Variants in NFX1 observed in about 807,000 individuals in gnomAD.
NFX1 encodes the protein nuclear transcription factor, X-box binding 1.
A neutral mutation model predicts 137.2 loss-of-function variants in NFX1; 69 were observed. The observed-to-expected ratio is 0.50, with a 90% CI of 0.41 to 0.61. NFX1 has a LOEUF of 0.61. Ranked by LOEUF, NFX1 falls within the 20% of genes least tolerant of loss-of-function variation. The probability of loss-of-function intolerance (pLI) is 0.00; values close to 1 mark genes in which losing one functional copy is unlikely to be tolerated. For missense variants in NFX1, 1,167 were observed against 1,391.0 expected (o/e 0.84, Z 2.56); for synonymous variants, 495 against 474.1 (o/e 1.04, Z -0.57).
intron 9 of NFX1, among the ~76,000 whole-genome samples, chr9:33,323,235 A>C (rs1461519296): frequency 6.6e-6 from 1 of 152,214 alleles, no homozygotes; most frequent in Admixed American, 6.6e-5. Flanking sequence ...TCACTGAAAT[A>C]GTCTAGCCAA....
chr9:33,354,975 A>G, intron 19 of NFX1, 83 bp downstream of exon 19: 4 of 1,336,050 alleles, frequency 3.0e-6, no homozygotes, highest in Non-Finnish European at 3.2e-6. Context: ...TTCAAACGTC[A>G]TTCACTCAGC....
chr9:33,366,373 G>T (rs1048701728), intron 21 of NFX1, among the ~76,000 whole-genome samples: 2 of 152,114 alleles, frequency 1.3e-5, no homozygotes, highest in African/African-American at 2.4e-5. Context: ...TACCTAAGTC[G>T]CAGTTCACTT....
intron 9 of NFX1, among the ~76,000 whole-genome samples, chr9:33,326,363 A>G (rs1184444187): frequency 6.6e-6 from 1 of 151,196 alleles, no homozygotes; most frequent in Non-Finnish European, 1.5e-5. Context: ...CAGTGAGCCA[A>G]GATCATGCCA....
chr9:33,359,932 CT>C (rs989088277), intron 19 of NFX1, among the ~76,000 whole-genome samples: 4 of 152,178 alleles, frequency 2.6e-5, no homozygotes, highest in African/African-American at 9.7e-5. Flanking sequence ...TGAAGTTTGA[CT>C]TTCAGCAATT....
chr9:33,349,212 G>A (rs774024515), intron 15 of NFX1, among the ~76,000 whole-genome samples: 1 of 152,186 alleles, frequency 6.6e-6, no homozygotes, highest in Non-Finnish European at 1.5e-5. Context: ...GGAAGTGAAC[G>A]AGACTAACCC....
At chr9:33,292,466 T>C (rs1282862201) in intron 1 of NFX1, among the ~76,000 whole-genome samples, 2 of 152,232 alleles carry the variant, frequency 1.3e-5, no homozygotes, top group Non-Finnish European at 2.9e-5. Flanking sequence ...GGACACCTAC[T>C]GTGCTGCTGT....
chr9:33,324,338 C>T (rs1822499659), intron 9 of NFX1, among the ~76,000 whole-genome samples: 1 of 152,104 alleles, frequency 6.6e-6, no homozygotes, highest in Non-Finnish European at 1.5e-5. Flanking sequence ...GAGATCGCAC[C>T]ACTGTACTCC....
At chr9:33,299,586 G>A (rs1486750616) in intron 2 of NFX1, among the ~76,000 whole-genome samples, 1 of 152,170 alleles carries the variant, frequency 6.6e-6, no homozygotes, top group Non-Finnish European at 1.5e-5. Context: ...TACTCAGGAT[G>A]CTGAGGTGGG....
In NFX1 at chr9:33,307,228, A is replaced by T; in HGVS notation, c.1305A>T (p.Glu435Asp). 1 of 1,614,130 alleles carries T rather than the reference A, an allele frequency of 6.2e-7. No individual in the cohort carries two copies. The highest frequency in any genetic ancestry group is 1.7e-5 in the Admixed American group (1 of 60,016). The change falls in exon 5 of 24, where the codon GAA (glutamate) becomes GAT (aspartate). Residue 435 changes from glutamate (E) to aspartate (D), a missense_variant. This residue lies in a region of NFX1 where 488 missense variants were observed against 691.5 expected (regional missense o/e 0.71). Coordinates refer to ENST00000379540, the MANE Select transcript of NFX1 (RefSeq NM_002504.6). ...AGAATCCTGAGTGGAGCAGAAATGA[A>T]ATTCCACATAGCTGTGGTGAGGTTT... ...KVKNPEWSRN[E>D]IPHSCGEVCR...
At chr9:33,318,154 G>T (rs1040347273) in intron 7 of NFX1, among the ~76,000 whole-genome samples, 2 of 151,814 alleles carry the variant, frequency 1.3e-5, no homozygotes, top group African/African-American at 4.8e-5. Context: ...CATTTATTCT[G>T]ATCATTAGAT....
intron 11 of NFX1, 21 bp from the exon 12 acceptor site, chr9:33,338,484 TTTTTC>T (rs1178134725): frequency 8.1e-6 from 13 of 1,604,780 alleles, no homozygotes; most frequent in Non-Finnish European, 1.0e-5. Flanking sequence ...TCTGGTTTTT[TTTTTC>T]TTTTTAATTT....
At chr9:33,322,404 T>G (rs544709509) in intron 9 of NFX1, among the ~76,000 whole-genome samples, 2 of 151,946 alleles carry the variant, frequency 1.3e-5, no homozygotes, top group African/African-American at 4.8e-5. Flanking sequence ...AGATGGGGCT[T>G]CTTCTCCCCT....
At chr9:33,320,150 A>T (rs1315421048) in intron 9 of NFX1, among the ~76,000 whole-genome samples, 1 of 151,488 alleles carries the variant, frequency 6.6e-6, no homozygotes, top group Non-Finnish European at 1.5e-5. Context: ...ATTTTTGTAG[A>T]GACGGGGTTT....
chr9:33,334,603 A>G (rs2118513141), intron 11 of NFX1, among the ~76,000 whole-genome samples: 1 of 152,356 alleles, frequency 6.6e-6, no homozygotes, highest in Middle Eastern at 3.4e-3. Context: ...CTTTTTCCCT[A>G]TTCATACAGA....
At chr9:33,319,775 G>T (rs1162754784) in intron 9 of NFX1, among the ~76,000 whole-genome samples, 1 of 152,092 alleles carries the variant, frequency 6.6e-6, no homozygotes, top group African/African-American at 2.4e-5. Context: ...TTCCCAAAGT[G>T]CTGGGATTAC....
At chr9:33,313,834 T>C in intron 7 of NFX1, 41 bp downstream of exon 7, 1 of 1,588,310 alleles carries the variant, frequency 6.3e-7, no homozygotes, top group Non-Finnish European at 8.6e-7. Flanking sequence ...TTGTGTTCTT[T>C]TCTGGAACCT....
At position 33,350,320 on chromosome 9, in the gene NFX1, A is replaced by C. The variant is rs1372065289; in HGVS notation, c.2425-1240A>C. 2.0e-5 allele frequency among the ~76,000 whole-genome samples: 3 copies of C among 151,648 alleles called. No homozygotes were observed. The East Asian group carries it at 5.8e-4, about 29-fold the overall frequency. ...CTCCATCTCAAAAAAAAAAAAAAAAAAGGCAAAATAAAACGAAAAAATGGC... is the reference window on the plus strand; with the variant it reads ...CTCCATCTCAAAAAAAAAAAAAAAACAGGCAAAATAAAACGAAAAAATGGC... On this transcript the variant is annotated intron_variant, in intron 15 of 23. Transcript: ENST00000379540.
At chr9:33,368,274 G>A (rs796169345) in intron 23 of NFX1, among the ~76,000 whole-genome samples, 24 of 152,196 alleles carry the variant, frequency 1.6e-4, no homozygotes, top group African/African-American at 5.5e-4. Context: ...ATGCAAGTGG[G>A]TGTGGGGGTG....
At chr9:33,313,288 G>A (rs372106421) in intron 6 of NFX1, among the ~76,000 whole-genome samples, 2 of 152,030 alleles carry the variant, frequency 1.3e-5, no homozygotes, top group Admixed American at 6.6e-5. Context: ...AGAAAAAGGA[G>A]GAGAAAGAAG....
Sources: gnomAD v4.1 joint callset for allele counts (sites outside exome capture counted in the v4.1 genomes callset) on GRCh38, gnomAD v4.1.1 for gene constraint, gnomAD v4.1.1 regional missense constraint, MANE v1.5 for transcripts, NCBI Gene and HGNC (gene_info 2026-07-23, HGNC 2026-07-21) for gene names.